Variants in WDR7 observed in about 807,000 individuals in gnomAD.
WDR7 encodes the protein WD repeat domain 7.
In WDR7, 46 loss-of-function variants were observed where a neutral mutation model predicts 169.4. The ratio of observed to expected loss-of-function variants is 0.27; its 90% CI spans 0.21 to 0.35. The LOEUF is 0.35. Among genes scored for constraint, WDR7 ranks in the 10% least tolerant of loss-of-function variants. The pLI is 1.00. For synonymous variants in WDR7, 612 were observed against 666.8 expected, an observed-to-expected ratio of 0.92 and a Z score of 1.27; for missense variants, 1,534 against 1,859.3, an observed-to-expected ratio of 0.83 and a Z score of 3.22.
At chr18:56,838,256 T>G (rs2045426530) in intron 20 of WDR7, among the ~76,000 whole-genome samples, 1 of 152,228 alleles carries the variant, frequency 6.6e-6, no homozygotes, top group African/African-American at 2.4e-5. Flanking sequence ...GTATGTTCTT[T>G]GATCCTTATT....
intron 20 of WDR7, among the ~76,000 whole-genome samples, chr18:56,836,713 T>C (rs1343459599): frequency 6.6e-6 from 1 of 152,212 alleles, no homozygotes; most frequent in African/African-American, 2.4e-5. Context: ...TTTACTTGAT[T>C]GATGCTTTGT....
At chr18:56,983,257 A>G (rs2047670950) in intron 26 of WDR7, among the ~76,000 whole-genome samples, 1 of 152,174 alleles carries the variant, frequency 6.6e-6, no homozygotes, top group African/African-American at 2.4e-5. Context: ...TTTACTAAAT[A>G]CCTTTAGATT....
chr18:56,857,392 G>A (rs2045737061), intron 20 of WDR7, among the ~76,000 whole-genome samples: 1 of 152,034 alleles, frequency 6.6e-6, no homozygotes, highest in Non-Finnish European at 1.5e-5. Flanking sequence ...CAGGGTAGCT[G>A]GGACTGTAGG....
chr18:56,732,232 A>C (rs2026602139), intron 14 of WDR7, among the ~76,000 whole-genome samples: 1 of 152,150 alleles, frequency 6.6e-6, no homozygotes, highest in African/African-American at 2.4e-5. Context: ...AGTTTTGTAG[A>C]GTCTAGCCAC....
At chr18:56,923,709 T>C (rs960902956) in intron 21 of WDR7, among the ~76,000 whole-genome samples, 3 of 152,244 alleles carry the variant, frequency 2.0e-5, no homozygotes, top group African/African-American at 7.2e-5. Flanking sequence ...TAAAACACTT[T>C]AGAATATGGT....
intron 25 of WDR7, among the ~76,000 whole-genome samples, chr18:56,945,331 G>A (rs1476842653): frequency 1.3e-5 from 2 of 152,160 alleles, no homozygotes; most frequent in African/African-American, 2.4e-5. Context: ...CTTCTATTAT[G>A]CAATTCGTGT....
chr18:56,745,492 A>C (rs1027788835), intron 14 of WDR7, among the ~76,000 whole-genome samples: 1 of 152,174 alleles, frequency 6.6e-6, no homozygotes, highest in Non-Finnish European at 1.5e-5. Context: ...TTAGAGTCTC[A>C]TAAGGAACGC....
At chr18:56,826,375 A>G (rs2045204352) in intron 20 of WDR7, among the ~76,000 whole-genome samples, 1 of 152,216 alleles carries the variant, frequency 6.6e-6, no homozygotes, top group Admixed American at 6.5e-5. Context: ...AACAGGTTTT[A>G]AAATAGATGT....
intron 19 of WDR7, among the ~76,000 whole-genome samples, chr18:56,815,509 G>A (rs1385690746): frequency 1.3e-5 from 2 of 152,138 alleles, no homozygotes; most frequent in Non-Finnish European, 2.9e-5. Context: ...TGATAATTAC[G>A]TGACCTTATA....
chr18:56,747,308 A>G (rs997444090), intron 14 of WDR7, among the ~76,000 whole-genome samples: 1 of 152,214 alleles, frequency 6.6e-6, no homozygotes, highest in African/African-American at 2.4e-5. Flanking sequence ...ACTTGGTTTT[A>G]GTTTTAAAAT....
In WDR7 at chr18:56,972,336, G is replaced by A. The variant is rs2145804832; in HGVS notation, c.4164+9807G>A. On this transcript the variant is annotated intron_variant, in intron 26 of 27. Transcript: ENST00000254442. ...ACCTTAGGGATCTTGTGGACAGTAA[G>A]ATTGATGTTTGTTTGAGGCAGAATT... 2.0e-5 allele frequency among the ~76,000 whole-genome samples: 3 copies of A among 152,286 alleles called. No individual in the cohort carries two copies. In the South Asian group the frequency reaches 6.2e-4, roughly 32 times the overall value.
chr18:57,010,881 G>A (rs895003093), intron 26 of WDR7, among the ~76,000 whole-genome samples: 3 of 152,102 alleles, frequency 2.0e-5, no homozygotes, highest in Non-Finnish European at 4.4e-5. Flanking sequence ...TTAAATCGAA[G>A]GGAAAATGCT....
chr18:56,859,378 C>A (rs564485644), intron 20 of WDR7, among the ~76,000 whole-genome samples: 1 of 152,168 alleles, frequency 6.6e-6, no homozygotes, highest in Admixed American at 6.5e-5. Flanking sequence ...TGGTTTGCCT[C>A]CTGGCCCCAC....
intron 27 of WDR7, among the ~76,000 whole-genome samples, chr18:57,021,544 CG>C (rs1316720598): frequency 6.6e-6 from 1 of 152,168 alleles, no homozygotes; most frequent in Non-Finnish European, 1.5e-5. Context: ...TAAGATCTCA[CG>C]TAGTCTTTGG....
In WDR7 at chr18:56,679,437, G is replaced by T; in HGVS notation, c.265G>T (p.Gly89Ter). The change falls in exon 3 of 28, where the codon GGA becomes TGA. Residue 89 changes from glycine to a stop codon, truncating the protein, a stop_gained and splice_region_variant. Transcript: ENST00000254442. LOFTEE classifies it high-confidence loss of function. Reference protein sequence around the residue: ...KQYIVSASESGEMCLWDVSDG... With the variant: ...KQYIVSASES Reference sequence around the variant, plus strand: ...GTATATTGTGAGTGCATCTGAAAGTGGGTAAGTATTTTCTCATTTGCCTCT... The same window carrying T: ...GTATATTGTGAGTGCATCTGAAAGTTGGTAAGTATTTTCTCATTTGCCTCT... 6.3e-7 allele frequency: 1 copy of T among 1,596,004 alleles called. No homozygotes were observed. Among genetic ancestry groups the T allele is most frequent in the South Asian group, 1.1e-5 (1 of 89,698 alleles).
intron 27 of WDR7, among the ~76,000 whole-genome samples, chr18:57,023,726 C>T (rs1175955159): frequency 6.6e-6 from 1 of 152,196 alleles, no homozygotes; most frequent in Non-Finnish European, 1.5e-5. Flanking sequence ...TTCTCTGTAT[C>T]CATTGGCATT....
chr18:56,805,562 G>C (rs777771415), intron 19 of WDR7, among the ~76,000 whole-genome samples: 5 of 152,034 alleles, frequency 3.3e-5, no homozygotes, highest in Non-Finnish European at 7.4e-5. Context: ...TAAACTCTCT[G>C]CCTTCATAAT....
intron 23 of WDR7, 78 bp downstream of exon 23, chr18:56,935,983 C>G: frequency 7.9e-7 from 1 of 1,267,194 alleles, no homozygotes; most frequent in Non-Finnish European, 1.1e-6. Flanking sequence ...GGTTCATATC[C>G]ACAAATCCCC....
chr18:56,949,152 C>CTCTT (rs1157502475), intron 25 of WDR7, among the ~76,000 whole-genome samples: 1 of 142,196 alleles, frequency 7.0e-6, no homozygotes, highest in African/African-American at 3.1e-5. Flanking sequence ...CTCTCTCTCT[C>CTCTT]TCTTTCCCTT....
Sources: allele counts gnomAD v4.1 joint callset (sites outside exome capture counted in the v4.1 genomes callset), GRCh38; gene constraint gnomAD v4.1.1; transcripts MANE v1.5; gene names NCBI Gene and HGNC (gene_info 2026-07-23, HGNC 2026-07-21).